The following MACROD2 variants were observed in gnomAD, a reference collection of about 807,000 sequenced individuals.
MACROD2 encodes the protein mono-ADP ribosylhydrolase 2.
MACROD2 carries 36 observed loss-of-function variants against 70.4 expected under a neutral mutation model. That is an observed-to-expected ratio of 0.51 (90% confidence interval 0.39 to 0.68). The LOEUF is 0.68. MACROD2 is among the 30% of genes least tolerant of loss of function. The pLI is 0.00. For synonymous variants in MACROD2, 172 were observed against 178.8 expected (o/e 0.96, Z 0.30); for missense variants, 496 against 538.4 (o/e 0.92, Z 0.78).
At chr20:14,075,738 A>G (rs575151901) in intron 2 of MACROD2, among the ~76,000 whole-genome samples, 28 of 152,044 alleles carry the variant, frequency 1.8e-4, no homozygotes, top group Non-Finnish European at 4.0e-4. Context: ...AGCTCCCTAT[A>G]GGCACTTGAA....
At chr20:14,717,038 A>T (rs1358143845) in intron 5 of MACROD2, among the ~76,000 whole-genome samples, 1 of 152,136 alleles carries the variant, frequency 6.6e-6, no homozygotes, top group South Asian at 2.1e-4. Context: ...ACAAAAAAAA[A>T]TTTGGGGGTA....
rs80218367 is a variant in MACROD2, at chr20:15,470,990, A to G, written c.572-28784A>G. ...CATCTCTATTCTTGGGCTTATAAAA[A>G]GTTTTTTCCGCCTCCTTCATCCATC... is the stretch of plus-strand genomic sequence containing the variant. On this transcript the variant is annotated intron_variant, in intron 7 of 17. Coordinates refer to ENST00000684519, the MANE Select transcript of MACROD2 (RefSeq NM_001351661.2). Among the ~76,000 whole-genome samples the G allele has an allele frequency of 3.3e-5, 5 of 152,202 alleles. No homozygotes were observed. In the East Asian group the frequency reaches 9.7e-4, roughly 29 times the overall value.
intron 5 of MACROD2, among the ~76,000 whole-genome samples, chr20:14,855,086 G>T (rs956938289): frequency 6.6e-6 from 1 of 152,122 alleles, no homozygotes; most frequent in African/African-American, 2.4e-5. Flanking sequence ...TTTCCTGTAA[G>T]GTGATGGAAT....
intron 5 of MACROD2, among the ~76,000 whole-genome samples, chr20:14,711,819 G>A (rs1371211728): frequency 1.3e-5 from 2 of 152,156 alleles, no homozygotes; most frequent in Admixed American, 6.6e-5. Flanking sequence ...TTTCTTTAGA[G>A]CACTTACAGT....
intron 6 of MACROD2, among the ~76,000 whole-genome samples, chr20:15,422,600 G>T (rs2046244695): frequency 6.6e-6 from 1 of 152,166 alleles, no homozygotes; most frequent in Non-Finnish European, 1.5e-5. Context: ...AGAGCTCTGA[G>T]CCCAGTGCTC....
chr20:15,654,430 T>A (rs2049696943), intron 8 of MACROD2, among the ~76,000 whole-genome samples: 3 of 152,200 alleles, frequency 2.0e-5, no homozygotes, highest in African/African-American at 7.2e-5. Flanking sequence ...TTCAGAAGTC[T>A]ACGTATTAGG....
chr20:14,407,286 C>A (rs2083700996), intron 3 of MACROD2, among the ~76,000 whole-genome samples: 2 of 151,950 alleles, frequency 1.3e-5, no homozygotes, highest in African/African-American at 4.8e-5. Flanking sequence ...CAGGTATAAT[C>A]TTTCCTTTCC....
intron 7 of MACROD2, among the ~76,000 whole-genome samples, chr20:15,432,938 T>TA (rs1213840075): frequency 2.6e-5 from 4 of 151,772 alleles, no homozygotes; most frequent in South Asian, 4.1e-4. Flanking sequence ...GGAAGGACCA[T>TA]AAAATTAGAG....
At chr20:14,009,959 T>C (rs2052878863) in intron 2 of MACROD2, among the ~76,000 whole-genome samples, 1 of 152,062 alleles carries the variant, frequency 6.6e-6, no homozygotes, top group Non-Finnish European at 1.5e-5. Flanking sequence ...TAACACACAC[T>C]GGGCCTGTCA....
intron 3 of MACROD2, among the ~76,000 whole-genome samples, chr20:14,400,240 T>C (rs2083623738): frequency 6.6e-6 from 1 of 152,180 alleles, no homozygotes; most frequent in Non-Finnish European, 1.5e-5. Flanking sequence ...TTTCAAGCCT[T>C]GCTTTTAAGG....
chr20:14,053,375 A>G (rs1821129849), intron 2 of MACROD2: 1 of 152,040 alleles, frequency 6.6e-6, no homozygotes, highest in African/African-American at 2.4e-5. Context: ...TGATGGAAAA[A>G]CGCTGGTCTT....
At chr20:14,139,186 A>T (rs1193886273) in intron 3 of MACROD2, among the ~76,000 whole-genome samples, 1 of 152,222 alleles carries the variant, frequency 6.6e-6, no homozygotes, top group Non-Finnish European at 1.5e-5. Flanking sequence ...AATATTTTTG[A>T]GTTTGGCATT....
chr20:14,656,938 A>G (rs1257353797), intron 4 of MACROD2, among the ~76,000 whole-genome samples: 4 of 152,036 alleles, frequency 2.6e-5, no homozygotes, highest in Non-Finnish European at 5.9e-5. Context: ...CTAGTTAATA[A>G]ACCTCACTGC....
At chr20:15,499,715 A>G in intron 7 of MACROD2, 59 bp from the exon 8 acceptor site, 1 of 1,492,636 alleles carries the variant, frequency 6.7e-7, no homozygotes, top group Non-Finnish European at 9.3e-7. Context: ...TAGCGTGATT[A>G]GCCTCCCTTT....
At chr20:15,909,725 G>A (rs1041306237) in intron 10 of MACROD2, among the ~76,000 whole-genome samples, 10 of 151,526 alleles carry the variant, frequency 6.6e-5, no homozygotes, top group South Asian at 4.2e-4. Context: ...GGGTTTCACC[G>A]TTTTAGCCGG....
At chr20:15,639,997 G>A (rs946339721) in intron 8 of MACROD2, among the ~76,000 whole-genome samples, 1 of 149,416 alleles carries the variant, frequency 6.7e-6, no homozygotes, top group Non-Finnish European at 1.5e-5. Flanking sequence ...GAGAGAGAAG[G>A]AGAGAGAAAG....
At chr20:14,776,035 T>A (rs2123778033) in intron 5 of MACROD2, among the ~76,000 whole-genome samples, 1 of 152,038 alleles carries the variant, frequency 6.6e-6, no homozygotes, top group East Asian at 1.9e-4. Flanking sequence ...TCAGTAGAAC[T>A]GAACCAAATG....
intron 3 of MACROD2, among the ~76,000 whole-genome samples, chr20:14,157,314 A>G (rs1026881883): frequency 6.6e-6 from 1 of 152,110 alleles, no homozygotes; most frequent in African/African-American, 2.4e-5. Flanking sequence ...GCAAAATTTC[A>G]TTACATGCAT....
chr20:15,114,159 T>A (rs1351039496), intron 5 of MACROD2, among the ~76,000 whole-genome samples: 2 of 152,174 alleles, frequency 1.3e-5, no homozygotes, highest in Non-Finnish European at 2.9e-5. Flanking sequence ...TGGGGTTAGC[T>A]GTCCTGCATC....
Sources: gnomAD v4.1 joint callset for allele counts (sites outside exome capture counted in the v4.1 genomes callset) on GRCh38, gnomAD v4.1.1 for gene constraint, MANE v1.5 for transcripts, NCBI Gene and HGNC (gene_info 2026-07-23, HGNC 2026-07-21) for gene names.